XIRP2: variants seen among roughly 807,000 people sequenced by gnomAD.
The protein encoded by XIRP2 is xin actin-binding repeat-containing protein 2.
In XIRP2, 236 loss-of-function variants were observed where a neutral mutation model predicts 277.0. The observed-to-expected ratio is 0.85, with a 90% CI of 0.77 to 0.95. XIRP2 has a LOEUF of 0.95. Among genes scored for constraint, XIRP2 ranks in the 40% least tolerant of loss-of-function variants. The pLI is 0.00. For missense variants in XIRP2, 4,640 were observed against 4,157.5 expected (o/e 1.12, Z -3.19); for synonymous variants, 1,490 against 1,416.5 (o/e 1.05, Z -1.17).
chr2:167,032,475 T>G (rs1688391252), intron 2 of XIRP2, among the ~76,000 whole-genome samples: 1 of 152,172 alleles, frequency 6.6e-6, no homozygotes, highest in East Asian at 1.9e-4. Context: ...AAAGAGCTTC[T>G]GCACAGCAAA....
intron 2 of XIRP2, among the ~76,000 whole-genome samples, chr2:167,132,545 C>G (rs1484580119): frequency 6.6e-6 from 1 of 151,810 alleles, no homozygotes; most frequent in African/African-American, 2.4e-5. Flanking sequence ...CACACACACA[C>G]ACACTTAAAA....
Position 167,088,577 on chromosome 2 carries a change from G to A in XIRP2, c.409-47332G>A, listed in dbSNP as rs148454647. Among the ~76,000 whole-genome samples the A allele has an allele frequency of 1.6e-3, 251 of 152,170 alleles. 5 individuals carry two copies. Among genetic ancestry groups the A allele is most frequent in the African/African-American group, 5.8e-3 (241 of 41,494 alleles). On this transcript the variant is annotated intron_variant, in intron 2 of 10. Coordinates refer to ENST00000409195, the MANE Select transcript of XIRP2 (RefSeq NM_152381.6). Reference sequence around the variant, plus strand: ...CTCAGTACACTTGCATATCTTCTAGGATAAAGTTCAAAAATCTTAATTTGG... The same window carrying A: ...CTCAGTACACTTGCATATCTTCTAGAATAAAGTTCAAAAATCTTAATTTGG...
chr2:166,931,642 T>C (rs1411731410), intron 2 of XIRP2, among the ~76,000 whole-genome samples: 10 of 152,216 alleles, frequency 6.6e-5, no homozygotes, highest in Non-Finnish European at 1.2e-4. Flanking sequence ...TGTATAAGTA[T>C]ATAATAATTT....
chr2:167,117,552 A>T (rs1690929465), intron 2 of XIRP2, among the ~76,000 whole-genome samples: 1 of 152,184 alleles, frequency 6.6e-6, no homozygotes. Flanking sequence ...CAAGGAGATA[A>T]TGTCAGCTTC....
intron 10 of XIRP2, 46 bp from the exon 11 acceptor site, chr2:167,257,811 C>A (rs1331240651): frequency 1.3e-6 from 2 of 1,528,912 alleles, no homozygotes; most frequent in Admixed American, 4.3e-5. Flanking sequence ...TCCCTATGAA[C>A]TTACAGTAAA....
chr2:167,224,372 C>T (rs1694527745), intron 5 of XIRP2, among the ~76,000 whole-genome samples: 1 of 151,958 alleles, frequency 6.6e-6, no homozygotes, highest in African/African-American at 2.4e-5. Flanking sequence ...TAGTTGGGAC[C>T]ACAGGCATAT....
chr2:167,206,331 A>G (rs139262227), intron 3 of XIRP2, among the ~76,000 whole-genome samples: 8 of 152,210 alleles, frequency 5.3e-5, no homozygotes, highest in Non-Finnish European at 1.0e-4. Context: ...TGCCTGTAGT[A>G]TGGATTTTCC....
At chr2:167,116,226 G>T (rs1184028973) in intron 2 of XIRP2, among the ~76,000 whole-genome samples, 1 of 152,178 alleles carries the variant, frequency 6.6e-6, no homozygotes, top group Non-Finnish European at 1.5e-5. Context: ...AATGTTGAGA[G>T]AGAGGTGTTA....
chr2:167,108,458 A>G (rs1002493365), intron 2 of XIRP2, among the ~76,000 whole-genome samples: 3 of 152,074 alleles, frequency 2.0e-5, no homozygotes, highest in Admixed American at 6.6e-5. Flanking sequence ...CTTTTCTAAC[A>G]TAAGCATTTA....
intron 3 of XIRP2, among the ~76,000 whole-genome samples, chr2:167,190,101 A>G (rs1429180374): frequency 2.0e-5 from 3 of 152,228 alleles, no homozygotes; most frequent in Admixed American, 2.0e-4. Flanking sequence ...ATTAAAGGGC[A>G]GAAGCACACA....
chr2:166,942,636 T>C (rs931173594), intron 2 of XIRP2, among the ~76,000 whole-genome samples: 2 of 152,224 alleles, frequency 1.3e-5, no homozygotes, highest in Non-Finnish European at 2.9e-5. Flanking sequence ...ATTATCCATA[T>C]TTCATAAGTT....
chr2:166,941,594 G>A (rs538353794), intron 2 of XIRP2, among the ~76,000 whole-genome samples: 3 of 152,210 alleles, frequency 2.0e-5, no homozygotes, highest in Admixed American at 6.5e-5. Context: ...AACCGCCCCT[G>A]CCAGCCTATC....
intron 2 of XIRP2, among the ~76,000 whole-genome samples, chr2:167,040,671 C>T (rs78583295): frequency 0.051 from 7,744 of 152,242 alleles, 307 homozygotes; most frequent in South Asian, 0.15. Flanking sequence ...GGTCAGGGCA[C>T]GGCTATCTTG....
chr2:167,196,216 G>T (rs911774489), intron 3 of XIRP2, among the ~76,000 whole-genome samples: 1 of 152,138 alleles, frequency 6.6e-6, no homozygotes, highest in Non-Finnish European at 1.5e-5. Context: ...AAATAAGTTT[G>T]TGGGTAACAT....
In XIRP2 at chr2:167,258,643, T is replaced by C. The variant is rs758224742; in HGVS notation, c.*826T>C. On this transcript the variant is annotated 3_prime_UTR_variant, in exon 11 of 11. Coordinates refer to ENST00000409195, the MANE Select transcript of XIRP2 (RefSeq NM_152381.6). ...CTGATGATGAGATGATGCCAGAAAA[T>C]CATAAAGAAAATTTGAATAAGAATA... 2 of 1,611,772 alleles carry C rather than the reference T, an allele frequency of 1.2e-6. No individual in the cohort carries two copies. Among genetic ancestry groups the C allele is most frequent in the Non-Finnish European group, 1.7e-6 (2 of 1,179,172 alleles).
In XIRP2 at chr2:167,258,489, C is replaced by A. The variant is rs1559049366; in HGVS notation, c.*672C>A. ...GATAGGCCGAGTGAAGCTGAAGACA[C>A]AAAGAGTAACAGGAAAAGTGCTATG... On this transcript the variant is annotated 3_prime_UTR_variant, in exon 11 of 11. Transcript: ENST00000409195. 6.2e-7 allele frequency: 1 copy of A among 1,613,080 alleles called. No individual in the cohort carries two copies. Among genetic ancestry groups the A allele is most frequent in the Admixed American group, 1.7e-5 (1 of 59,790 alleles).
intron 2 of XIRP2, 69 bp from the exon 3 acceptor site, chr2:167,135,840 C>G: frequency 7.3e-7 from 1 of 1,369,222 alleles, no homozygotes; most frequent in Non-Finnish European, 9.6e-7. Flanking sequence ...GCCTTCTAAC[C>G]CCCCTAAAAA....
intron 2 of XIRP2, chr2:167,124,313 A>C (rs1691138718): frequency 6.6e-6 from 1 of 152,142 alleles, no homozygotes; most frequent in South Asian, 2.1e-4. Flanking sequence ...AAGTTTTGGC[A>C]ATAAAGTTTT....
intron 3 of XIRP2, among the ~76,000 whole-genome samples, chr2:167,185,861 G>C (rs1693138860): frequency 6.6e-6 from 1 of 152,052 alleles, no homozygotes. Context: ...AACACCAATG[G>C]AAGGTTGGTC....
Sources: allele counts gnomAD v4.1 joint callset (sites outside exome capture counted in the v4.1 genomes callset), GRCh38; gene constraint gnomAD v4.1.1; transcripts MANE v1.5; gene names NCBI Gene and HGNC (gene_info 2026-07-23, HGNC 2026-07-21).